The following KCNC2 variants were observed in gnomAD, a reference collection of about 807,000 sequenced individuals.
KCNC2 encodes the protein potassium voltage-gated channel subfamily C member 2, also known as voltage-gated potassium channel KCNC2.
KCNC2 carries 21 observed loss-of-function variants against 44.5 expected under a neutral mutation model. The observed-to-expected ratio is 0.47, with a 90% CI of 0.33 to 0.68. The LOEUF (loss-of-function observed/expected upper bound fraction) is 0.68, where lower values mean the gene tolerates loss of function less well. KCNC2 is among the 30% of genes least tolerant of loss of function. The probability of loss-of-function intolerance (pLI) is 0.01; values close to 1 mark genes in which losing one functional copy is unlikely to be tolerated. For missense variants in KCNC2, 589 were observed against 826.2 expected (o/e 0.71, Z 3.52); for synonymous variants, 391 against 339.1 (o/e 1.15, Z -1.68).
At chr12:75,059,941 A>G (rs982560664) in intron 2 of KCNC2, among the ~76,000 whole-genome samples, 6 of 152,140 alleles carry the variant, frequency 3.9e-5, no homozygotes, top group African/African-American at 1.4e-4. Context: ...CCACCACAGC[A>G]TCAATGATAA....
intron 2 of KCNC2, among the ~76,000 whole-genome samples, chr12:75,107,148 C>CA (rs1565860645): frequency 6.6e-6 from 1 of 151,896 alleles, no homozygotes; most frequent in African/African-American, 2.4e-5. Flanking sequence ...ACTAAAAATA[C>CA]AAAAAATTAG....
At position 75,084,279 on chromosome 12, in the gene KCNC2, AGATAGATAGAT is replaced by A. The variant is rs1565840347; in HGVS notation, c.688-32973_688-32963del. On this transcript the variant is annotated intron_variant, in intron 2 of 4. Coordinates refer to ENST00000549446, the MANE Select transcript of KCNC2 (RefSeq NM_139137.4). ...TGATAGATAGATAGATTAGATAGAT[AGATAGATAGAT>A]GATAGATAGATAGATAGATAGATAG... Among the ~76,000 whole-genome samples, 9 of 119,184 alleles carry A rather than the reference AGATAGATAGAT, an allele frequency of 7.6e-5. No homozygotes were observed. The South Asian group carries it at 1.3e-3, about 17-fold the overall frequency. 78.2% of individuals were successfully genotyped at this position (119,184 alleles called of 152,430 possible). A position where few individuals can be genotyped will look rare whatever the true frequency, so the allele number is the denominator to read the frequency against.
chr12:75,110,036 T>G (rs908646837), intron 2 of KCNC2, among the ~76,000 whole-genome samples: 6 of 151,798 alleles, frequency 4.0e-5, no homozygotes, highest in African/African-American at 1.5e-4. Context: ...GTTAACAGTC[T>G]GAAGGAAAAA....
At chr12:75,128,948 C>G (rs1888638064) in intron 2 of KCNC2, among the ~76,000 whole-genome samples, 1 of 152,170 alleles carries the variant, frequency 6.6e-6, no homozygotes. Context: ...CAGGCTGTCA[C>G]CAAATAGGAA....
intron 2 of KCNC2, among the ~76,000 whole-genome samples, chr12:75,097,637 A>G (rs1236079031): frequency 3.3e-5 from 5 of 152,142 alleles, no homozygotes; most frequent in Admixed American, 2.6e-4. Flanking sequence ...CAAAAAAGGA[A>G]TGAGAAGACA....
intron 2 of KCNC2, among the ~76,000 whole-genome samples, chr12:75,162,966 C>T (rs1264755131): frequency 6.6e-6 from 1 of 151,660 alleles, no homozygotes; most frequent in South Asian, 2.1e-4. Context: ...AAGTTGCCCC[C>T]ACTAAGCAGA....
At chr12:75,093,504 A>G (rs1004855810) in intron 2 of KCNC2, among the ~76,000 whole-genome samples, 3 of 151,662 alleles carry the variant, frequency 2.0e-5, no homozygotes, top group Non-Finnish European at 3.0e-5. Flanking sequence ...TGGGATATTA[A>G]AAGACCCGAA....
intron 2 of KCNC2, among the ~76,000 whole-genome samples, chr12:75,138,921 C>G (rs1002579417): frequency 2.9e-5 from 4 of 139,780 alleles, no homozygotes; most frequent in Non-Finnish European, 6.0e-5. Flanking sequence ...GCGGAGCTTG[C>G]AGTGAGCGGA....
intron 2 of KCNC2, among the ~76,000 whole-genome samples, chr12:75,133,735 C>T (rs570061542): frequency 2.0e-5 from 3 of 151,842 alleles, no homozygotes; most frequent in South Asian, 4.1e-4. Context: ...GAATCTAGGC[C>T]TTATATGCAG....
intron 2 of KCNC2, among the ~76,000 whole-genome samples, chr12:75,083,943 C>A (rs1046023105): frequency 4.0e-5 from 6 of 151,490 alleles, no homozygotes; most frequent in Non-Finnish European, 8.8e-5. Context: ...AGTTTTATAC[C>A]CTCTGTTCTA....
intron 4 of KCNC2, among the ~76,000 whole-genome samples, chr12:75,046,169 G>T (rs542038548): frequency 7.7e-4 from 116 of 151,448 alleles, no homozygotes; most frequent in Non-Finnish European, 1.4e-3. Flanking sequence ...ATTATGATAA[G>T]AAATGACAAA....
At chr12:75,153,934 G>A (rs1267281022) in intron 2 of KCNC2, among the ~76,000 whole-genome samples, 1 of 151,840 alleles carries the variant, frequency 6.6e-6, no homozygotes, top group Non-Finnish European at 1.5e-5. Flanking sequence ...AGGCAGAAAA[G>A]GTGGAGGAGG....
chr12:75,137,247 A>G (rs1889298508), intron 2 of KCNC2, among the ~76,000 whole-genome samples: 1 of 152,124 alleles, frequency 6.6e-6, no homozygotes. Flanking sequence ...CAACTCCTCA[A>G]GGATCTCATC....
chr12:75,041,889 A>G lies in KCNC2; in HGVS notation c.*1216T>C. Reference sequence around the variant, plus strand: ...GTCGGGTTTGGAGGGAGTAAATATTAAAATCATAAACATCTTACAGAGGCA... The same window carrying G: ...GTCGGGTTTGGAGGGAGTAAATATTGAAATCATAAACATCTTACAGAGGCA... On this transcript the variant is annotated 3_prime_UTR_variant, in exon 5 of 5. Transcript: ENST00000549446. The G allele has an allele frequency of 1.0e-6, 1 of 991,320 alleles. No homozygotes were observed. Among genetic ancestry groups the G allele is most frequent in the African/African-American group, 1.7e-5 (1 of 57,440 alleles). The allele number at this position is 991,320 out of a possible 1,614,324, so 61.4% of individuals were successfully genotyped here. A position where few individuals can be genotyped will look rare whatever the true frequency, so the allele number is the denominator to read the frequency against.
chr12:75,201,761 C>T (rs1357699884), intron 2 of KCNC2, among the ~76,000 whole-genome samples: 1 of 151,866 alleles, frequency 6.6e-6, no homozygotes, highest in Admixed American at 6.6e-5. Context: ...GCTTTTCTGT[C>T]TTAAAAGAAT....
chr12:75,045,891 T>C (rs1168711131), intron 4 of KCNC2, among the ~76,000 whole-genome samples: 1 of 151,850 alleles, frequency 6.6e-6, no homozygotes, highest in Non-Finnish European at 1.5e-5. Context: ...ACAGAGAGAA[T>C]TTTTAAATAT....
chr12:75,057,840 G>C (rs1230035993), intron 2 of KCNC2, among the ~76,000 whole-genome samples: 4 of 151,262 alleles, frequency 2.6e-5, no homozygotes, highest in Non-Finnish European at 4.4e-5. Context: ...AGACAGATGT[G>C]GTCCCTGATA....
In KCNC2 at chr12:75,041,602, T is replaced by C; in HGVS notation, c.*1503A>G. The C allele has an allele frequency of 9.7e-7, 1 of 1,032,408 alleles. No homozygotes were observed. Among genetic ancestry groups the C allele is most frequent in the Non-Finnish European group, 1.2e-6 (1 of 857,032 alleles). 64.0% of individuals were successfully genotyped at this position (1,032,408 alleles called of 1,614,324 possible). ...AGACACGCTATTGCTGTTGAATTCA[T>C]AGGAATGCATAAATAGACTTTCTTC... On this transcript the variant is annotated 3_prime_UTR_variant, in exon 5 of 5. Transcript: ENST00000549446.
At chr12:75,148,039 T>C (rs1263691280) in intron 2 of KCNC2, among the ~76,000 whole-genome samples, 1 of 152,152 alleles carries the variant, frequency 6.6e-6, no homozygotes, top group East Asian at 1.9e-4. Context: ...GGGCTATTGA[T>C]TAAAATTTAT....
Sources: allele counts gnomAD v4.1 joint callset (sites outside exome capture counted in the v4.1 genomes callset), GRCh38; gene constraint gnomAD v4.1.1; transcripts MANE v1.5; gene names NCBI Gene and HGNC (gene_info 2026-07-23, HGNC 2026-07-21).